The following MET variants were observed in gnomAD, a reference collection of about 807,000 sequenced individuals.
MET encodes hepatocyte growth factor receptor.
MET carries 48 observed loss-of-function variants against 133.1 expected under a neutral mutation model. That is an observed-to-expected ratio of 0.36 (90% CI 0.29 to 0.46). The LOEUF is 0.46. Ranked by LOEUF, MET falls within the 20% of genes least tolerant of loss-of-function variation. The pLI is 1.00. For missense variants in MET, 1,442 were observed against 1,695.9 expected, an observed-to-expected ratio of 0.85 and a Z score of 2.63; for synonymous variants, 628 against 616.5, an observed-to-expected ratio of 1.02 and a Z score of -0.28.
intron 1 of MET, among the ~76,000 whole-genome samples, chr7:116,676,429 A>G (rs1213147990): frequency 1.3e-5 from 2 of 152,234 alleles, no homozygotes; most frequent in African/African-American, 4.8e-5. Context: ...TTGACAACCT[A>G]CGAGGCATAG....
intron 15 of MET, among the ~76,000 whole-genome samples, chr7:116,777,066 A>G (rs1795015364): frequency 6.6e-6 from 1 of 152,100 alleles, no homozygotes; most frequent in Admixed American, 6.6e-5. Context: ...GATGAGGCCG[A>G]TGTTACTCAC....
chr7:116,795,786 C>T lies in MET; in HGVS notation c.3930C>T (p.Asp1310=), dbSNP rs773763852. ...TCCTACAACCCGAATACTGCCCAGA[C>T]CCCTTGTAAGTAGTCTTTCTGTACC... ...RRLLQPEYCP[D]PLYEVMLKCW... The change falls in exon 20 of 21, where the codon GAC becomes GAT. Residue 1310 remains aspartate, a synonymous_variant. Coordinates refer to ENST00000397752, the MANE Select transcript of MET (RefSeq NM_000245.4). 3 of 1,614,190 alleles carry T rather than the reference C, an allele frequency of 1.9e-6. No individual in the cohort carries two copies. The highest frequency in any genetic ancestry group is 2.5e-6 in the Non-Finnish European group (3 of 1,180,028).
chr7:116,758,359 T>G, intron 8 of MET, 100 bp from the exon 9 acceptor site: 1 of 1,261,668 alleles, frequency 7.9e-7, no homozygotes, highest in Non-Finnish European at 1.1e-6. Context: ...AATTCCCACT[T>G]AGGAACCATT....
Position 116,672,454 on chromosome 7 carries a change from C to T in MET, c.-138C>T. Reference sequence around the variant, plus strand: ...AGCGCTTTGTGAGCAGATGCGGAGCCGAGTGGAGGGCGCGAGCCAGATGCG... The same window carrying T: ...AGCGCTTTGTGAGCAGATGCGGAGCTGAGTGGAGGGCGCGAGCCAGATGCG... On this transcript the variant is annotated 5_prime_UTR_variant, in exon 1 of 21. The change creates a premature stop within an existing upstream ORF in the 5' untranslated region. Transcript: ENST00000397752. 2.5e-6 allele frequency: 1 copy of T among 397,610 alleles called. No homozygotes were observed. The allele number at this position is 397,610 out of a possible 1,614,324, so 24.6% of individuals were successfully genotyped here.
intron 1 of MET, among the ~76,000 whole-genome samples, chr7:116,695,140 A>G (rs148930490): frequency 2.4e-4 from 37 of 152,326 alleles, no homozygotes; most frequent in African/African-American, 8.4e-4. Flanking sequence ...GCAATAAATT[A>G]TATATTAAGC....
chr7:116,745,592 A>G (rs1469137149), intron 5 of MET, among the ~76,000 whole-genome samples: 1 of 152,190 alleles, frequency 6.6e-6, no homozygotes, highest in Non-Finnish European at 1.5e-5. Context: ...ATATAGATCA[A>G]TGGAACAGAA....
chr7:116,687,122 T>G (rs1168739007), intron 1 of MET, among the ~76,000 whole-genome samples: 2 of 152,168 alleles, frequency 1.3e-5, no homozygotes, highest in African/African-American at 4.8e-5. Flanking sequence ...TTTCTTGCCC[T>G]CTCTTCTCTC....
chr7:116,714,657 G>A (rs889256868), intron 2 of MET, among the ~76,000 whole-genome samples: 2 of 151,964 alleles, frequency 1.3e-5, no homozygotes, highest in Non-Finnish European at 2.9e-5. Context: ...ATTGACAAAC[G>A]ATAGCCTGTT....
chr7:116,755,052 A>AGAAAGAAAGAAAGAAAAGAAAGAAC, intron 5 of MET, among the ~76,000 whole-genome samples: 1 of 152,076 alleles, frequency 6.6e-6, no homozygotes, highest in East Asian at 1.9e-4. Flanking sequence ...AAAGAAAGAA[A>AGAAAGAAAGAAAGAAAAGAAAGAAC]GAACGGAAGG....
At chr7:116,674,597 G>A (rs1047136628) in intron 1 of MET, among the ~76,000 whole-genome samples, 1 of 152,118 alleles carries the variant, frequency 6.6e-6, no homozygotes, top group Non-Finnish European at 1.5e-5. Context: ...TCAAAACAAC[G>A]TGAATAACTC....
chr7:116,694,345 AT>A (rs1239364505), intron 1 of MET, among the ~76,000 whole-genome samples: 1 of 152,084 alleles, frequency 6.6e-6, no homozygotes, highest in East Asian at 1.9e-4. Context: ...CCCTAGTCCC[AT>A]TTTTTTCTTT....
chr7:116,795,492 T>C (rs1795640329), intron 19 of MET, among the ~76,000 whole-genome samples, 163 bp from the exon 20 acceptor site: 2 of 152,230 alleles, frequency 1.3e-5, no homozygotes, highest in African/African-American at 4.8e-5. Flanking sequence ...AAACAAGTCA[T>C]GAAATGTATA....
At chr7:116,729,745 A>T (rs1045148901) in intron 2 of MET, among the ~76,000 whole-genome samples, 3 of 152,150 alleles carry the variant, frequency 2.0e-5, no homozygotes, top group Non-Finnish European at 4.4e-5. Flanking sequence ...TCAAGAACCA[A>T]ATACTCCCAT....
intron 2 of MET, among the ~76,000 whole-genome samples, chr7:116,715,335 C>T (rs933539789): frequency 6.6e-6 from 1 of 152,220 alleles, no homozygotes; most frequent in Non-Finnish European, 1.5e-5. Flanking sequence ...TTCCTTGCCT[C>T]TTGCAATTCT....
chr7:116,719,562 C>T (rs1792394197), intron 2 of MET, among the ~76,000 whole-genome samples: 1 of 152,098 alleles, frequency 6.6e-6, no homozygotes, highest in Admixed American at 6.6e-5. Context: ...GAAGTCCTTG[C>T]CCATGCCTAT....
intron 5 of MET, among the ~76,000 whole-genome samples, chr7:116,748,380 A>C (rs996447836): frequency 6.6e-6 from 1 of 152,244 alleles, no homozygotes. Flanking sequence ...CAAGTTAAAT[A>C]ATGAAATTAA....
intron 5 of MET, among the ~76,000 whole-genome samples, chr7:116,741,840 A>G (rs1194930026): frequency 6.6e-6 from 1 of 152,242 alleles, no homozygotes; most frequent in African/African-American, 2.4e-5. Flanking sequence ...ATAGTCCAGA[A>G]CAAGATGAGC....
intron 1 of MET, among the ~76,000 whole-genome samples, chr7:116,674,404 T>G (rs968187976): frequency 1.3e-5 from 2 of 152,156 alleles, no homozygotes. Flanking sequence ...AGTATATGCC[T>G]TGCATTAATC....
chr7:116,741,928 C>T (rs773322216), intron 5 of MET, among the ~76,000 whole-genome samples: 15 of 152,190 alleles, frequency 9.9e-5, no homozygotes, highest in Non-Finnish European at 2.2e-4. Flanking sequence ...AACTGTGTTG[C>T]CTTATTTGCT....
Sources: allele counts gnomAD v4.1 joint callset (sites outside exome capture counted in the v4.1 genomes callset), GRCh38; gene constraint gnomAD v4.1.1; transcripts MANE v1.5; gene names NCBI Gene and HGNC (gene_info 2026-07-23, HGNC 2026-07-21).